The following DHX57 variants were observed in gnomAD, a reference collection of about 807,000 sequenced individuals.
DHX57 encodes DExH-box helicase 57.
In DHX57, 105 loss-of-function variants were observed where a neutral mutation model predicts 156.2. The observed-to-expected ratio is 0.67, with a 90% CI of 0.57 to 0.79. The LOEUF (loss-of-function observed/expected upper bound fraction) is 0.79. DHX57 is among the 30% of genes least tolerant of loss of function. The pLI is 0.00. For missense variants in DHX57, 1,847 were observed against 1,661.9 expected (o/e 1.11, Z -1.94); for synonymous variants, 704 against 595.6 (o/e 1.18, Z -2.65).
chr2:38,861,691 C>T lies in DHX57; in HGVS notation c.719G>A (p.Ser240Asn). 6.2e-7 allele frequency: 1 copy of T among 1,614,148 alleles called. No individual in the cohort carries two copies. Among genetic ancestry groups the T allele is most frequent in the Non-Finnish European group, 8.5e-7 (1 of 1,180,034 alleles). ...MKISEAVNQI[S>N]LDECMEQRQE... ...TCGCTGTTCCATACACTCATCCAAGCTTATCTGGTTGACTGCCTCAGAGAT... is the reference window on the plus strand; with the variant it reads ...TCGCTGTTCCATACACTCATCCAAGTTTATCTGGTTGACTGCCTCAGAGAT... Residue 240 changes from serine (S) to asparagine (N), a missense_variant, in exon 5 of 24, where the codon AGC (serine) becomes AAC (asparagine). Transcript: ENST00000457308.
intron 1 of DHX57, among the ~76,000 whole-genome samples, chr2:38,874,608 A>G (rs2060744): frequency 0.58 from 88,277 of 150,970 alleles, 27,073 homozygotes; most frequent in East Asian, 0.81. Flanking sequence ...ACAGGGTTTC[A>G]CCGTGTTAGC....
intron 1 of DHX57, among the ~76,000 whole-genome samples, chr2:38,870,909 A>C (rs1235655285): frequency 6.6e-6 from 1 of 151,976 alleles, no homozygotes; most frequent in Non-Finnish European, 1.5e-5. Context: ...ACAAAAAAAA[A>C]ACAACAAAAA....
At position 38,815,583 on chromosome 2, in the gene DHX57, C is replaced by T; in HGVS notation, c.3544G>A (p.Ala1182Thr). 6.2e-7 allele frequency: 1 copy of T among 1,614,160 alleles called. No individual in the cohort carries two copies. Among genetic ancestry groups the T allele is most frequent in the Non-Finnish European group, 8.5e-7 (1 of 1,180,026 alleles). ...DIGFAREGLR[A>T]REIEKRAQGG... ...TGGGCCCTTTTCTCAATTTCCCTTG[C>T]TCTGAGCCCTTCCCTTGCAAACCCT... is the stretch of plus-strand genomic sequence containing the variant. Residue 1182 changes from alanine (A) to threonine (T), a missense_variant, in exon 20 of 24, where the codon GCA becomes ACA. Transcript: ENST00000457308.
In DHX57 at chr2:38,863,449, G is replaced by C. The variant is rs751383459; in HGVS notation, c.295C>G (p.Gln99Glu). ...KWKPKAKVPL[Q>E]TLHMTSENQE... The stretch of plus-strand genomic sequence containing the variant: ...TTCTCAGAAGTCATATGTAGAGTCT[G>C]AAGGGGTACTTTGGCTTTGGGTTTC... The change falls in exon 3 of 24, where the codon CAG becomes GAG. Residue 99 changes from glutamine (Q) to glutamate (E), a missense_variant. Gln to Glu is a conservative substitution (Grantham distance 29). Transcript: ENST00000457308. The C allele has an allele frequency of 6.2e-7, 1 of 1,614,130 alleles. No individual in the cohort carries two copies. The highest frequency in any genetic ancestry group is 8.5e-7 in the Non-Finnish European group (1 of 1,180,024).
Position 38,856,352 on chromosome 2 carries a change from CT to C in DHX57, c.1696del (p.Ser566ValfsTer3). 6.2e-7 allele frequency: 1 copy of C among 1,610,988 alleles called. No individual in the cohort carries two copies. Reference sequence around the variant, plus strand: ...ACTGCATTCTTACCCAGTCATACCACTTATGACAACCACCTGGTGCTTACGC... The same window carrying C: ...ACTGCATTCTTACCCAGTCATACCACTATGACAACCACCTGGTGCTTACGC... ...LLRKHQVVVI[S>X]GMTGCGKTTQ... On this transcript the variant is annotated frameshift_variant, in exon 7 of 24. Coordinates refer to ENST00000457308, the MANE Select transcript of DHX57 (RefSeq NM_198963.3). LOFTEE classifies it high-confidence loss of function.
At chr2:38,822,730 A>C (rs975704028) in intron 17 of DHX57, among the ~76,000 whole-genome samples, 4 of 152,124 alleles carry the variant, frequency 2.6e-5, no homozygotes, top group African/African-American at 9.7e-5. Flanking sequence ...TCTAGTTCTC[A>C]GTCTTTAATT....
chr2:38,811,580 C>T, intron 21 of DHX57: 1 of 1,365,950 alleles, frequency 7.3e-7, no homozygotes, highest in Non-Finnish European at 1.0e-6. Context: ...AGCCTTGTTC[C>T]TTCAGCCACA....
chr2:38,863,619 TCAA>T, intron 2 of DHX57, 100 bp from the exon 3 acceptor site: 15 of 1,073,882 alleles, frequency 1.4e-5, no homozygotes, highest in Non-Finnish European at 1.9e-5. Context: ...AACTGGATTG[TCAA>T]GTATCTTACA....
chr2:38,842,200 G>A (rs1321765474), intron 12 of DHX57, among the ~76,000 whole-genome samples: 5 of 152,110 alleles, frequency 3.3e-5, no homozygotes, highest in African/African-American at 1.2e-4. Context: ...TTTAATCATG[G>A]AGAAATACTA....
At chr2:38,815,866 A>G in intron 19 of DHX57, 1 of 583,846 alleles carries the variant, frequency 1.7e-6, no homozygotes, top group Non-Finnish European at 3.0e-6. Context: ...TGAAACGGTT[A>G]TGCAGAAATG....
Position 38,798,015 on chromosome 2 carries a change from C to G in DHX57, c.*284G>C. On this transcript the variant is annotated 3_prime_UTR_variant, in exon 24 of 24. Coordinates refer to ENST00000457308, the MANE Select transcript of DHX57 (RefSeq NM_198963.3). ...TATTATACATTCACTTTTGAGTTAT[C>G]AGGTGAACTTAATTCACTCCAGAAC... 1 of 303,766 alleles carries G rather than the reference C, an allele frequency of 3.3e-6. No homozygotes were observed. The highest frequency in any genetic ancestry group is 1.3e-4 in the South Asian group (1 of 7,878). The allele number at this position is 303,766 out of a possible 1,614,324, so 18.8% of individuals were successfully genotyped here. A position where few individuals can be genotyped will look rare whatever the true frequency, so the allele number is the denominator to read the frequency against.
Position 38,868,946 on chromosome 2 carries a change from C to T in DHX57, c.-6-535G>A, listed in dbSNP as rs191226197. On this transcript the variant is annotated intron_variant, in intron 1 of 23. Coordinates refer to ENST00000457308, the MANE Select transcript of DHX57 (RefSeq NM_198963.3). ...CCTCTGGAGTAGCTGGGACTACAGG[C>T]GCCTGCCACCACGCCCAGCTAATAT... Among the ~76,000 whole-genome samples the T allele has an allele frequency of 1.5e-3, 231 of 152,144 alleles. 2 individuals are homozygous for T. The highest frequency in any genetic ancestry group is 0.015 in the East Asian group (76 of 5,170).
rs781588399 is a variant in DHX57, at chr2:38,843,246, G to C, written c.2220-36C>G. On this transcript the variant is annotated intron_variant, in intron 11 of 23. Coordinates refer to ENST00000457308, the MANE Select transcript of DHX57 (RefSeq NM_198963.3). ...CAAAGGAATGTGGTTGTGTGTATGTGGTCCTGTTGGTGAGGAGGGAAAGAA... is the reference window on the plus strand; with the variant it reads ...CAAAGGAATGTGGTTGTGTGTATGTCGTCCTGTTGGTGAGGAGGGAAAGAA... 9 of 1,603,876 alleles carry C rather than the reference G, an allele frequency of 5.6e-6. No homozygotes were observed. The South Asian group carries it at 8.8e-5, about 16-fold the overall frequency.
chr2:38,821,826 A>C (rs1412592007), intron 17 of DHX57, among the ~76,000 whole-genome samples: 1 of 152,232 alleles, frequency 6.6e-6, no homozygotes, highest in African/African-American at 2.4e-5. Flanking sequence ...CATTATTACT[A>C]GCCTTACAGA....
chr2:38,866,026 C>T (rs748581258), intron 2 of DHX57, among the ~76,000 whole-genome samples: 1 of 152,160 alleles, frequency 6.6e-6, no homozygotes, highest in African/African-American at 2.4e-5. Flanking sequence ...ACAGCAAAAT[C>T]CGGTCCATGT....
intron 21 of DHX57, chr2:38,811,328 T>C (rs1670234779): frequency 2.3e-5 from 12 of 526,412 alleles, no homozygotes; most frequent in South Asian, 1.9e-4. Flanking sequence ...CATGGCACTG[T>C]GGGACACATA....
intron 13 of DHX57, among the ~76,000 whole-genome samples, chr2:38,836,486 T>C (rs1335571051): frequency 1.3e-5 from 2 of 152,172 alleles, no homozygotes; most frequent in South Asian, 2.1e-4. Flanking sequence ...AAGAATACAG[T>C]ATGTACACCA....
intron 21 of DHX57, among the ~76,000 whole-genome samples, chr2:38,807,700 T>C (rs966351951): frequency 1.3e-5 from 2 of 151,184 alleles, no homozygotes; most frequent in African/African-American, 4.9e-5. Flanking sequence ...CAGGCTGGAG[T>C]GCAACGGTGC....
chr2:38,860,178 G>A (rs975619038), intron 5 of DHX57, among the ~76,000 whole-genome samples: 2 of 152,038 alleles, frequency 1.3e-5, no homozygotes, highest in African/African-American at 2.4e-5. Flanking sequence ...GCCCATGTGC[G>A]ATGGCTCACG....
Sources: gnomAD v4.1 joint callset for allele counts (sites outside exome capture counted in the v4.1 genomes callset) on GRCh38, gnomAD v4.1.1 for gene constraint, MANE v1.5 for transcripts, NCBI Gene and HGNC (gene_info 2026-07-23, HGNC 2026-07-21) for gene names.